The following GALNT13 variants were observed in gnomAD, a reference collection of about 807,000 sequenced individuals.
The protein encoded by GALNT13 is polypeptide N-acetylgalactosaminyltransferase 13.
Under a neutral mutation model 64.2 loss-of-function variants are expected in GALNT13, and 28 were observed. That is an observed-to-expected ratio of 0.44 (90% CI 0.32 to 0.60). The LOEUF (loss-of-function observed/expected upper bound fraction) is 0.60, where lower values mean the gene tolerates loss of function less well. Among genes scored for constraint, GALNT13 ranks in the 20% least tolerant of loss-of-function variants. GALNT13 has a pLI of 0.05. For missense variants in GALNT13, 577 were observed against 669.8 expected (o/e 0.86, Z 1.53); for synonymous variants, 214 against 224.6 (o/e 0.95, Z 0.42).
the GALNT13 span, among the ~76,000 whole-genome samples, chr2:153,550,396 AGCTAT>A: frequency 6.6e-6 from 1 of 151,172 alleles, no homozygotes; most frequent in Admixed American, 6.6e-5. Flanking sequence ...CGCCACACTC[AGCTAT>A]TTTTTTTTTT....
the GALNT13 span, among the ~76,000 whole-genome samples, chr2:153,167,620 TTCTTC>T: frequency 6.6e-6 from 1 of 152,198 alleles, no homozygotes; most frequent in Non-Finnish European, 1.5e-5. Flanking sequence ...TCACAGATCA[TTCTTC>T]TGTGTCTTCC....
chr2:154,038,219 G>C (rs1009364110), intron 3 of GALNT13, among the ~76,000 whole-genome samples: 25 of 152,126 alleles, frequency 1.6e-4, no homozygotes, highest in Admixed American at 4.6e-4. Flanking sequence ...CTCAGGTTCA[G>C]TGCAATCCCT....
chr2:153,128,701 C>T, the GALNT13 span, among the ~76,000 whole-genome samples: 1 of 152,222 alleles, frequency 6.6e-6, no homozygotes, highest in South Asian at 2.1e-4. Context: ...TTTCATGCTG[C>T]TGATAAAGAC....
intron 3 of GALNT13, among the ~76,000 whole-genome samples, chr2:153,960,080 C>T (rs1356196822): frequency 2.0e-5 from 3 of 152,180 alleles, no homozygotes; most frequent in Non-Finnish European, 4.4e-5. Context: ...CACTGCCTGC[C>T]AGGGAAAATA....
chr2:153,720,915 A>G, the GALNT13 span, among the ~76,000 whole-genome samples: 6 of 152,098 alleles, frequency 3.9e-5, no homozygotes, highest in Admixed American at 2.6e-4. Context: ...GAACTTCCCC[A>G]ATCTAGCAAG....
chr2:153,721,793 C>A, the GALNT13 span, among the ~76,000 whole-genome samples: 2 of 151,630 alleles, frequency 1.3e-5, no homozygotes, highest in Non-Finnish European at 2.9e-5. Context: ...ACAGGAGCAC[C>A]CAGATTCATA....
the GALNT13 span, among the ~76,000 whole-genome samples, chr2:153,267,617 C>A: frequency 6.6e-6 from 1 of 152,194 alleles, no homozygotes; most frequent in Non-Finnish European, 1.5e-5. Context: ...AGCAGTGGGG[C>A]CATGCTCCAG....
At chr2:154,153,707 G>A (rs1316108146) in intron 4 of GALNT13, among the ~76,000 whole-genome samples, 1 of 152,208 alleles carries the variant, frequency 6.6e-6, no homozygotes. Context: ...CAATCAGCGA[G>A]ACTCCATGGG....
chr2:154,300,950 TA>T (rs1693407778), intron 8 of GALNT13, among the ~76,000 whole-genome samples: 1 of 152,164 alleles, frequency 6.6e-6, no homozygotes, highest in Admixed American at 6.5e-5. Context: ...ATCTTAATAA[TA>T]AATCCAAAGG....
chr2:153,960,703 T>C (rs1211722953), intron 3 of GALNT13, among the ~76,000 whole-genome samples: 2 of 152,144 alleles, frequency 1.3e-5, no homozygotes, highest in Non-Finnish European at 2.9e-5. Context: ...AAAGCTTCTT[T>C]TTACCTGGCC....
At chr2:153,221,646 G>T in the GALNT13 span, among the ~76,000 whole-genome samples, 3 of 152,104 alleles carry the variant, frequency 2.0e-5, no homozygotes, top group Non-Finnish European at 4.4e-5. Context: ...TCTCACTACT[G>T]GCCTGGATCC....
chr2:153,925,072 G>A (rs552904940), intron 2 of GALNT13, among the ~76,000 whole-genome samples: 26 of 152,186 alleles, frequency 1.7e-4, no homozygotes, highest in South Asian at 8.3e-4. Flanking sequence ...GATTCCATTT[G>A]TCAATTTTTG....
At chr2:153,557,987 T>C in the GALNT13 span, among the ~76,000 whole-genome samples, 1 of 152,184 alleles carries the variant, frequency 6.6e-6, no homozygotes, top group Non-Finnish European at 1.5e-5. Flanking sequence ...CCTGCCAGAC[T>C]AGAGAAAGGA....
At chr2:154,411,189 A>G (rs1699775930) in intron 11 of GALNT13, among the ~76,000 whole-genome samples, 1 of 151,796 alleles carries the variant, frequency 6.6e-6, no homozygotes, top group East Asian at 1.9e-4. Flanking sequence ...ATTCATAAAG[A>G]AAGTGATCAA....
intron 3 of GALNT13, among the ~76,000 whole-genome samples, chr2:154,088,004 C>A (rs548241811): frequency 4.5e-4 from 68 of 152,174 alleles, no homozygotes; most frequent in South Asian, 3.9e-3. Context: ...TTATGTGTTT[C>A]TGCAAATTGC....
At chr2:153,776,929 G>A in the GALNT13 span, among the ~76,000 whole-genome samples, 477 of 152,282 alleles carry the variant, frequency 3.1e-3, 21 homozygotes, top group East Asian at 0.079. Flanking sequence ...TTTTTCCTCA[G>A]TGAACAGGGG....
At chr2:153,389,519 A>G in the GALNT13 span, among the ~76,000 whole-genome samples, 1 of 152,180 alleles carries the variant, frequency 6.6e-6, no homozygotes, top group South Asian at 2.1e-4. Context: ...CACTGATCAC[A>G]TGGGACCCCA....
chr2:153,256,230 C>T, the GALNT13 span, among the ~76,000 whole-genome samples: 2 of 151,666 alleles, frequency 1.3e-5, no homozygotes, highest in South Asian at 2.1e-4. Context: ...TCTTCCATCG[C>T]TGATACCCTT....
intron 3 of GALNT13, among the ~76,000 whole-genome samples, chr2:154,139,480 G>A (rs371260781): frequency 4.7e-4 from 72 of 151,848 alleles, no homozygotes; most frequent in African/African-American, 1.6e-3. Flanking sequence ...CGAGACATTG[G>A]AAGAGTCGAG....
Sources: allele counts gnomAD v4.1 joint callset (sites outside exome capture counted in the v4.1 genomes callset), GRCh38; gene constraint gnomAD v4.1.1; transcripts MANE v1.5; gene names NCBI Gene and HGNC (gene_info 2026-07-23, HGNC 2026-07-21).